Variants in ARB2A observed in about 807,000 individuals in gnomAD.
ARB2A encodes ARB2 cotranscriptional regulator A.
chr5:93,940,068 C>G, the ARB2A span, among the ~76,000 whole-genome samples: 14 of 152,050 alleles, frequency 9.2e-5, no homozygotes, highest in Non-Finnish European at 1.9e-4. Context: ...TCCTGAATAT[C>G]CATTTCATAA....
chr5:94,005,868 CAT>C, the ARB2A span, among the ~76,000 whole-genome samples: 3 of 152,122 alleles, frequency 2.0e-5, no homozygotes, highest in Middle Eastern at 0.01. Flanking sequence ...CTGAAAAAAA[CAT>C]AGTGACAACA....
At chr5:93,978,918 G>A in the ARB2A span, among the ~76,000 whole-genome samples, 1 of 152,086 alleles carries the variant, frequency 6.6e-6, no homozygotes, top group Admixed American at 6.6e-5. Flanking sequence ...CATACAGTTA[G>A]GTGGAAGGTA....
the ARB2A span, among the ~76,000 whole-genome samples, chr5:93,766,198 T>G: frequency 1.0e-3 from 155 of 152,138 alleles, 1 homozygote; most frequent in African/African-American, 3.6e-3. Context: ...GGGATCTAAT[T>G]AAACTAAAGA....
the ARB2A span, among the ~76,000 whole-genome samples, chr5:94,034,823 G>A: frequency 2.0e-5 from 3 of 152,202 alleles, no homozygotes; most frequent in Non-Finnish European, 4.4e-5. Context: ...CACAGCAGGA[G>A]GTGAGCACCA....
the ARB2A span, among the ~76,000 whole-genome samples, chr5:93,948,033 T>C: frequency 6.6e-6 from 1 of 152,108 alleles, no homozygotes; most frequent in Admixed American, 6.5e-5. Context: ...TACCCAGTAA[T>C]GGGATGGCTG....
At chr5:94,110,613 G>A in the ARB2A span, among the ~76,000 whole-genome samples, 3 of 152,100 alleles carry the variant, frequency 2.0e-5, no homozygotes, top group Non-Finnish European at 4.4e-5. Context: ...TTCTACATTC[G>A]CTAAATGTAT....
the ARB2A span, among the ~76,000 whole-genome samples, chr5:94,025,983 C>T: frequency 6.6e-6 from 1 of 152,178 alleles, no homozygotes; most frequent in South Asian, 2.1e-4. Context: ...CAGGCAAGGG[C>T]CAGCAAAGAA....
chr5:94,032,470 T>C, the ARB2A span, among the ~76,000 whole-genome samples: 3 of 152,098 alleles, frequency 2.0e-5, no homozygotes, highest in Non-Finnish European at 2.9e-5. Flanking sequence ...GCTAAACCAT[T>C]CAGGAGAAAT....
the ARB2A span, among the ~76,000 whole-genome samples, chr5:93,979,977 C>T: frequency 4.0e-5 from 6 of 151,704 alleles, no homozygotes; most frequent in Non-Finnish European, 8.8e-5. Flanking sequence ...CGCATCTTAC[C>T]TCCTTCATGT....
At chr5:94,030,536 G>A in the ARB2A span, among the ~76,000 whole-genome samples, 2,189 of 152,302 alleles carry the variant, frequency 0.014, 27 homozygotes, top group Non-Finnish European at 0.023. Flanking sequence ...GAATCTCTGT[G>A]GCTTCCACTT....
chr5:93,891,389 A>G, the ARB2A span, among the ~76,000 whole-genome samples: 1 of 152,108 alleles, frequency 6.6e-6, no homozygotes, highest in Non-Finnish European at 1.5e-5. Context: ...TTATGTGCAC[A>G]GTGGTGTTTT....
At chr5:93,870,551 CA>C in the ARB2A span, among the ~76,000 whole-genome samples, 8 of 152,240 alleles carry the variant, frequency 5.3e-5, no homozygotes, top group African/African-American at 1.9e-4. Context: ...GAGATTCTTT[CA>C]GGGGACCTGC....
At chr5:93,741,518 T>A in the ARB2A span, 4 of 1,607,564 alleles carry the variant, frequency 2.5e-6, no homozygotes, top group Non-Finnish European at 1.7e-6. Flanking sequence ...CCCCCACCAC[T>A]GCCTGGAAGG....
the ARB2A span, among the ~76,000 whole-genome samples, chr5:93,664,617 C>A: frequency 8.2e-5 from 12 of 146,906 alleles, no homozygotes; most frequent in Middle Eastern, 7.0e-3. Flanking sequence ...GGCGACAGAG[C>A]GAGACTTCGT....
At chr5:93,664,523 C>T in the ARB2A span, among the ~76,000 whole-genome samples, 7 of 151,312 alleles carry the variant, frequency 4.6e-5, no homozygotes, top group East Asian at 2.0e-4. Flanking sequence ...CCCAGGTACT[C>T]GGGAAGCTGA....
the ARB2A span, among the ~76,000 whole-genome samples, chr5:93,999,134 A>T: frequency 5.3e-5 from 8 of 152,064 alleles, no homozygotes; most frequent in Middle Eastern, 3.2e-3. Flanking sequence ...GCTAAAGTAA[A>T]ATAATCTCTT....
At chr5:93,855,091 C>CT in the ARB2A span, among the ~76,000 whole-genome samples, 2 of 152,102 alleles carry the variant, frequency 1.3e-5, no homozygotes, top group Non-Finnish European at 2.9e-5. Context: ...GTGTGGGAGT[C>CT]TAAGTCTCTT....
At chr5:93,910,358 T>C in the ARB2A span, among the ~76,000 whole-genome samples, 2 of 151,168 alleles carry the variant, frequency 1.3e-5, no homozygotes, top group Admixed American at 1.3e-4. Context: ...GAAAAAAGTA[T>C]AGATGAACAT....
the ARB2A span, among the ~76,000 whole-genome samples, chr5:93,626,090 A>G: frequency 0.03 from 4,527 of 152,310 alleles, 204 homozygotes; most frequent in African/African-American, 0.1. Context: ...TTACTTTGGC[A>G]GATGTATATT....
Sources: allele counts gnomAD v4.1 joint callset (sites outside exome capture counted in the v4.1 genomes callset), GRCh38; gene constraint gnomAD v4.1.1; transcripts MANE v1.5; gene names NCBI Gene and HGNC (gene_info 2026-07-23, HGNC 2026-07-21).